MAEA: variants seen among roughly 807,000 people sequenced by gnomAD.
MAEA encodes the protein macrophage erythroblast attacher, E3 ubiquitin ligase, also known as E3 ubiquitin-protein transferase MAEA.
In MAEA, 22 loss-of-function variants were observed where a neutral mutation model predicts 46.2. The ratio of observed to expected loss-of-function variants is 0.48; its 90% CI spans 0.34 to 0.68. The LOEUF (loss-of-function observed/expected upper bound fraction) is 0.68. Among genes scored for constraint, MAEA ranks in the 30% least tolerant of loss-of-function variants. The probability of loss-of-function intolerance (pLI) is 0.01; values close to 1 mark genes in which losing one functional copy is unlikely to be tolerated. For synonymous variants in MAEA, 246 were observed against 222.6 expected, an observed-to-expected ratio of 1.11 and a Z score of -0.94; for missense variants, 393 against 558.1, an observed-to-expected ratio of 0.70 and a Z score of 2.98.
At chr4:1,305,417 C>T (rs564142108) in intron 1 of MAEA, among the ~76,000 whole-genome samples, 58 of 152,310 alleles carry the variant, frequency 3.8e-4, no homozygotes, top group Admixed American at 3.3e-4. Context: ...GTGGACACAC[C>T]GTGGTTTGTT....
chr4:1,310,310 T>C (rs1482027090), intron 1 of MAEA, among the ~76,000 whole-genome samples: 3 of 152,332 alleles, frequency 2.0e-5, no homozygotes, highest in African/African-American at 7.2e-5. Context: ...TGAAGTGCTG[T>C]CTGCTGTGAC....
chr4:1,297,607 C>A (rs904178683), intron 1 of MAEA, among the ~76,000 whole-genome samples: 1 of 152,184 alleles, frequency 6.6e-6, no homozygotes, highest in African/African-American at 2.4e-5. Flanking sequence ...CACAGTCTGA[C>A]GCGGTCGCCT....
chr4:1,335,041 C>G (rs1486774953), intron 6 of MAEA: 2 of 985,442 alleles, frequency 2.0e-6, no homozygotes, highest in Middle Eastern at 5.2e-4. Flanking sequence ...CCGTCTCCCC[C>G]CAAGCTAGAG....
intron 1 of MAEA, among the ~76,000 whole-genome samples, chr4:1,294,585 C>T (rs1436381373): frequency 6.6e-6 from 1 of 151,566 alleles, no homozygotes; most frequent in Non-Finnish European, 1.5e-5. Context: ...TTCTCCCATA[C>T]CCCCCTCCGC....
intron 1 of MAEA, among the ~76,000 whole-genome samples, chr4:1,308,300 CTGT>C (rs558322164): frequency 1.2e-3 from 187 of 152,314 alleles, no homozygotes; most frequent in Non-Finnish European, 1.9e-3. Context: ...CCTGCACGGT[CTGT>C]TGTTGACCAA....
intron 5 of MAEA, chr4:1,329,525 C>T (rs1430542774): frequency 9.1e-6 from 9 of 985,006 alleles, no homozygotes; most frequent in East Asian, 2.3e-4. Flanking sequence ...AGCAGCCAGC[C>T]GGGCAGGCAT....
At chr4:1,297,984 C>T (rs1055829184) in intron 1 of MAEA, 3 of 456,120 alleles carry the variant, frequency 6.6e-6, no homozygotes, top group African/African-American at 6.0e-5. Context: ...CCCCGCTGTG[C>T]AAGGCCCCTG....
Position 1,328,926 on chromosome 4 carries a change from G to T in MAEA, c.656+1223G>T, listed in dbSNP as rs1399312344. 4.0e-6 allele frequency: 4 copies of T among 1,000,178 alleles called. No homozygotes were observed. The African/African-American group carries it at 6.9e-5, about 17-fold the overall frequency. The allele number at this position is 1,000,178 out of a possible 1,614,324, so 62.0% of individuals were successfully genotyped here. A position where few individuals can be genotyped will look rare whatever the true frequency, so the allele number is the denominator to read the frequency against. On this transcript the variant is annotated intron_variant, in intron 5 of 8. Transcript: ENST00000303400. ...TCGGGACCCGGGCCAGTGGAGAGTG[G>T]CGTGTGAGCATTGCGGGGACACGGC...
chr4:1,327,209 G>C (rs1468176084), intron 4 of MAEA, among the ~76,000 whole-genome samples: 3 of 152,270 alleles, frequency 2.0e-5, no homozygotes, highest in African/African-American at 7.2e-5. Context: ...CCAGAGGCCC[G>C]GTGGGAGTGT....
At chr4:1,327,986 C>A (rs573515019) in intron 5 of MAEA, among the ~76,000 whole-genome samples, 1 of 152,230 alleles carries the variant, frequency 6.6e-6, no homozygotes, top group Non-Finnish European at 1.5e-5. Flanking sequence ...AGGTCCCGAC[C>A]GTCCACGTAA....
In MAEA at chr4:1,312,162, G is replaced by T; in HGVS notation, c.252+1G>T. Reference sequence around the variant, plus strand: ...GAAGCTCAGCGTCCTCAAGAGGAAGGTTGGTCCCGCCTGGCGGTCCCTCTT... The same window carrying T: ...GAAGCTCAGCGTCCTCAAGAGGAAGTTTGGTCCCGCCTGGCGGTCCCTCTT... On this transcript the variant is annotated splice_donor_variant, in intron 2 of 8. Coordinates refer to ENST00000303400, the MANE Select transcript of MAEA (RefSeq NM_001017405.3). LOFTEE classifies it high-confidence loss of function. 6.2e-7 allele frequency: 1 copy of T among 1,613,916 alleles called. No homozygotes were observed. Among genetic ancestry groups the T allele is most frequent in the Non-Finnish European group, 8.5e-7 (1 of 1,180,040 alleles).
chr4:1,329,441 G>A (rs893416208), intron 5 of MAEA: 4 of 985,332 alleles, frequency 4.1e-6, no homozygotes, highest in Admixed American at 6.1e-5. Context: ...CTCGTCTGTT[G>A]CAGGGGAGCA....
At chr4:1,306,440 G>A (rs902483544) in intron 1 of MAEA, among the ~76,000 whole-genome samples, 1 of 152,138 alleles carries the variant, frequency 6.6e-6, no homozygotes, top group Non-Finnish European at 1.5e-5. Flanking sequence ...ACTTGATCCC[G>A]GGAGGCGGAG....
chr4:1,315,655 C>T, intron 3 of MAEA, 55 bp downstream of exon 3: 1 of 1,578,028 alleles, frequency 6.3e-7, no homozygotes, highest in Non-Finnish European at 8.7e-7. Context: ...GGCCTATGGC[C>T]AGCCGCCCTG....
Position 1,311,856 on chromosome 4 carries a change from C to T in MAEA, c.70-123C>T. On this transcript the variant is annotated intron_variant, in intron 1 of 8. Transcript: ENST00000303400. The surrounding 1 kb of genome is among the most constrained non-coding windows in gnomAD (Gnocchi z 4.4). ...GGTTTAGAGTAGATACTTTTGAGAC[C>T]ATGAACCTTCTGAGACTTCTGCCTC... 2 of 838,756 alleles carry T rather than the reference C, an allele frequency of 2.4e-6. No individual in the cohort carries two copies. The highest frequency in any genetic ancestry group is 3.7e-6 in the Non-Finnish European group (2 of 534,200). 52.0% of individuals were successfully genotyped at this position (838,756 alleles called of 1,614,324 possible).
chr4:1,335,024 G>A (rs760466425), intron 6 of MAEA: 1 of 985,404 alleles, frequency 1.0e-6, no homozygotes, highest in Non-Finnish European at 1.2e-6. Context: ...CCTCCCTCCA[G>A]GTGTGGCCGT....
intron 1 of MAEA, chr4:1,298,070 C>G (rs1011282811): frequency 4.2e-5 from 19 of 456,198 alleles, no homozygotes; most frequent in Non-Finnish European, 7.0e-5. Flanking sequence ...TACTGCCTGG[C>G]AGCATAGCCA....
chr4:1,318,724 C>T (rs568153519), intron 3 of MAEA, among the ~76,000 whole-genome samples: 10 of 152,282 alleles, frequency 6.6e-5, no homozygotes, highest in East Asian at 3.9e-4. Flanking sequence ...ATGTAAACCC[C>T]GGCTGCGCTG....
rs182543018 is a variant in MAEA, at chr4:1,319,086, C to T, written c.457-3295C>T. On this transcript the variant is annotated intron_variant, in intron 3 of 8. Transcript: ENST00000303400. ...GCTGCCTTAGGCTGGACGCAGGGCTCTCAACCCGTAATCCTAGCACTCTGG... is the reference window on the plus strand; with the variant it reads ...GCTGCCTTAGGCTGGACGCAGGGCTTTCAACCCGTAATCCTAGCACTCTGG... 3.9e-4 allele frequency among the ~76,000 whole-genome samples: 59 copies of T among 152,322 alleles called. 1 individual carries two copies. Among genetic ancestry groups the T allele is most frequent in the Non-Finnish European group, 7.1e-4 (48 of 68,024 alleles).
Sources: gnomAD v4.1 joint callset for allele counts (sites outside exome capture counted in the v4.1 genomes callset) on GRCh38, gnomAD v4.1.1 for gene constraint, Gnocchi (gnomAD v3.1) non-coding constraint, MANE v1.5 for transcripts, NCBI Gene and HGNC (gene_info 2026-07-23, HGNC 2026-07-21) for gene names.